PARP8: variants seen among roughly 807,000 people sequenced by gnomAD.
The protein encoded by PARP8 is protein mono-ADP-ribosyltransferase PARP8.
In PARP8, 51 loss-of-function variants were observed where a neutral mutation model predicts 124.1. The ratio of observed to expected loss-of-function variants is 0.41; its 90% CI spans 0.33 to 0.52. PARP8 has a LOEUF of 0.52. Ranked by LOEUF, PARP8 falls within the 20% of genes least tolerant of loss-of-function variation. The pLI is 0.21. For missense variants in PARP8, 860 were observed against 1,018.9 expected, an observed-to-expected ratio of 0.84 and a Z score of 2.12; for synonymous variants, 391 against 361.5, an observed-to-expected ratio of 1.08 and a Z score of -0.93.
In PARP8 at chr5:50,815,490, A is replaced by T. The variant is rs1354302104; in HGVS notation, c.1634A>T (p.Asn545Ile). 1.9e-6 allele frequency: 3 copies of T among 1,600,044 alleles called. No homozygotes were observed. Among genetic ancestry groups the T allele is most frequent in the Non-Finnish European group, 2.6e-6 (3 of 1,173,964 alleles). Residue 545 changes from asparagine to isoleucine, a missense_variant, in exon 15 of 26, where the codon AAT becomes ATT. Asn to Ile is a moderately radical substitution (Grantham distance 149). This residue lies in a region of PARP8 where 343 missense variants were observed against 474.7 expected (regional missense o/e 0.72). Coordinates refer to ENST00000281631, the MANE Select transcript of PARP8 (RefSeq NM_024615.4). ...VFAFQTLGVM[N>I]EAADEIATGA... ...GCTTTTCAAACCCTGGGAGTAATGA[A>T]TGAAGCTGCTGATGAAATAGCAACT...
chr5:50,830,271 A>G (rs1243546096), intron 22 of PARP8, among the ~76,000 whole-genome samples: 3 of 152,228 alleles, frequency 2.0e-5, no homozygotes, highest in African/African-American at 7.2e-5. Context: ...TGAGAAGTAC[A>G]CATACATAAT....
rs191813400 is a variant in PARP8, at chr5:50,796,944, A to T, written c.1429-38A>T. 7.6e-4 allele frequency: 1,184 copies of T among 1,548,264 alleles called. 1 individual carries two copies. The highest frequency in any genetic ancestry group is 9.7e-4 in the Non-Finnish European group (1,098 of 1,136,996). Reference sequence around the variant, plus strand: ...CTGTAATTTATACATTTTTACATTTAAAAAAATTATCATTTTTTTTTACTT... The same window carrying T: ...CTGTAATTTATACATTTTTACATTTTAAAAAATTATCATTTTTTTTTACTT... On this transcript the variant is annotated intron_variant, in intron 12 of 25. Coordinates refer to ENST00000281631, the MANE Select transcript of PARP8 (RefSeq NM_024615.4).
At chr5:50,683,917 G>T (rs1045939377) in intron 2 of PARP8, among the ~76,000 whole-genome samples, 2 of 152,112 alleles carry the variant, frequency 1.3e-5, no homozygotes, top group Non-Finnish European at 2.9e-5. Context: ...CACTAAAGAA[G>T]CATATATTAT....
At chr5:50,724,185 G>A (rs553711386) in intron 2 of PARP8, among the ~76,000 whole-genome samples, 124 of 152,116 alleles carry the variant, frequency 8.2e-4, no homozygotes, top group Middle Eastern at 3.4e-3. Context: ...TTGAAAATAC[G>A]ATTGTCTGTT....
At chr5:50,672,982 T>C (rs1365506887) in intron 2 of PARP8, among the ~76,000 whole-genome samples, 2 of 152,246 alleles carry the variant, frequency 1.3e-5, no homozygotes, top group African/African-American at 4.8e-5. Context: ...AGCCATTCAG[T>C]GTTCTTCAAG....
chr5:50,835,961 ATC>A (rs1747535756), intron 25 of PARP8, among the ~76,000 whole-genome samples: 1 of 152,172 alleles, frequency 6.6e-6, no homozygotes, highest in Non-Finnish European at 1.5e-5. Flanking sequence ...AGTTGAGCAT[ATC>A]TGTTTTGTAC....
chr5:50,789,108 C>T (rs1741646870), intron 10 of PARP8, among the ~76,000 whole-genome samples: 1 of 152,178 alleles, frequency 6.6e-6, no homozygotes, highest in Non-Finnish European at 1.5e-5. Context: ...GCCACCGGCC[C>T]TGGACTCCTG....
intron 17 of PARP8, among the ~76,000 whole-genome samples, chr5:50,824,052 T>C (rs1267809956): frequency 6.6e-6 from 1 of 152,258 alleles, no homozygotes; most frequent in African/African-American, 2.4e-5. Context: ...TACTGTCCTA[T>C]ACGTAGCCCT....
chr5:50,744,409 G>A (rs745857905), intron 2 of PARP8, among the ~76,000 whole-genome samples: 85 of 152,166 alleles, frequency 5.6e-4, no homozygotes, highest in Non-Finnish European at 1.0e-3. Context: ...TACAGGATTA[G>A]GTAGATATGG....
intron 9 of PARP8, among the ~76,000 whole-genome samples, chr5:50,784,741 C>T (rs1358873232): frequency 2.6e-5 from 4 of 152,010 alleles, no homozygotes; most frequent in African/African-American, 9.7e-5. Flanking sequence ...TTTTATGTAT[C>T]AGTACAGTTC....
Position 50,795,159 on chromosome 5 carries a change from T to A in PARP8, c.1170T>A (p.Ser390=). 1 of 1,614,240 alleles carries A rather than the reference T, an allele frequency of 6.2e-7. No homozygotes were observed. Among genetic ancestry groups the A allele is most frequent in the Non-Finnish European group, 8.5e-7 (1 of 1,180,038 alleles). ...ATAGACTATTGACTCGATCTTGTTC[T>A]GGAGATCCACGATGTGAGCACAACA... is the stretch of plus-strand genomic sequence containing the variant. ...KSHRLLTRSC[S]GDPRCEHNTN... Residue 390 remains serine, a synonymous_variant, in exon 12 of 26, where the codon TCT becomes TCA. Transcript: ENST00000281631.
intron 7 of PARP8, 38 bp downstream of exon 7, chr5:50,763,280 A>G (rs755830732): frequency 5.5e-6 from 8 of 1,463,936 alleles, no homozygotes; most frequent in Non-Finnish European, 7.6e-6. Flanking sequence ...TTAAAGTTTT[A>G]TGGTAAGTCA....
Position 50,795,345 on chromosome 5 carries a change from C to A in PARP8, c.1356C>A (p.Gly452=). Residue 452 remains glycine (G), a synonymous_variant, in exon 12 of 26, where the codon GGC becomes GGA. Transcript: ENST00000281631. The part of the protein sequence containing the change: ...TELFKEPNAE[G]RRLSLTSGLI... ...TTTTCAAGGAACCTAACGCAGAGGG[C>A]AGGAGGCTCTCTCTTACCTCAGGGC... 1 of 1,614,118 alleles carries A rather than the reference C, an allele frequency of 6.2e-7. No individual in the cohort carries two copies. Among genetic ancestry groups the A allele is most frequent in the Non-Finnish European group, 8.5e-7 (1 of 1,180,006 alleles).
At chr5:50,788,664 C>A (rs1347396462) in intron 10 of PARP8, 75 bp downstream of exon 10, 3 of 1,257,864 alleles carry the variant, frequency 2.4e-6, no homozygotes, top group African/African-American at 2.4e-5. Context: ...TTAAAACAAA[C>A]AAACAAAAAC....
intron 2 of PARP8, among the ~76,000 whole-genome samples, chr5:50,733,179 C>G (rs1211793182): frequency 6.6e-6 from 1 of 151,544 alleles, no homozygotes; most frequent in African/African-American, 2.4e-5. Context: ...TGTTGTGTGC[C>G]TATAATCCCA....
intron 2 of PARP8, among the ~76,000 whole-genome samples, chr5:50,678,413 C>T (rs1750883015): frequency 6.6e-6 from 1 of 152,090 alleles, no homozygotes; most frequent in African/African-American, 2.4e-5. Context: ...ACATCTTAAG[C>T]TTTTCCTTTT....
At chr5:50,669,646 T>G (rs1165363798) in intron 2 of PARP8, 4 of 152,204 alleles carry the variant, frequency 2.6e-5, no homozygotes, top group Non-Finnish European at 5.9e-5. Flanking sequence ...AGCAAATTAT[T>G]GGACTCTAGT....
At chr5:50,682,615 T>C (rs897327188) in intron 2 of PARP8, among the ~76,000 whole-genome samples, 10 of 152,178 alleles carry the variant, frequency 6.6e-5, no homozygotes, top group African/African-American at 2.4e-4. Flanking sequence ...ATATGCTTGC[T>C]TGTGTCCCTT....
At chr5:50,723,017 G>A (rs1040987312) in intron 2 of PARP8, among the ~76,000 whole-genome samples, 6 of 152,082 alleles carry the variant, frequency 3.9e-5, no homozygotes, top group African/African-American at 1.2e-4. Context: ...GCTGATTAAA[G>A]ATGAGAGTTA....
Sources: gnomAD v4.1 joint callset for allele counts (sites outside exome capture counted in the v4.1 genomes callset) on GRCh38, gnomAD v4.1.1 for gene constraint, gnomAD v4.1.1 regional missense constraint, MANE v1.5 for transcripts, NCBI Gene and HGNC (gene_info 2026-07-23, HGNC 2026-07-21) for gene names.